SYPL1: variants seen among roughly 807,000 people sequenced by gnomAD.
The protein encoded by SYPL1 is synaptophysin like 1, also known as synaptophysin-like protein 1.
SYPL1 carries 6 observed loss-of-function variants against 23.7 expected under a neutral mutation model. The observed-to-expected ratio is 0.25, with a 90% CI of 0.14 to 0.50. SYPL1 has a LOEUF of 0.50. SYPL1 is among the 20% of genes least tolerant of loss of function. The pLI is 0.98. For missense variants in SYPL1, 253 were observed against 288.9 expected, an observed-to-expected ratio of 0.88 and a Z score of 0.90; for synonymous variants, 102 against 104.5, an observed-to-expected ratio of 0.98 and a Z score of 0.15.
chr7:106,101,503 T>C (rs771950112), intron 1 of SYPL1, among the ~76,000 whole-genome samples: 1 of 126,606 alleles, frequency 7.9e-6, no homozygotes, highest in Non-Finnish European at 1.6e-5. Context: ...TGGTTACAGA[T>C]AGGAAGAGTC....
chr7:106,112,522 GGCGCCATACTGCGT>G, upstream of SYPL1: 2 of 1,520,978 alleles, frequency 1.3e-6, no homozygotes, highest in Non-Finnish European at 1.8e-6. Context: ...GTAGATGTTG[GGCGCCATACTGCGT>G]GCGCCGCGCC....
At chr7:106,102,917 A>G (rs925008590) in intron 1 of SYPL1, among the ~76,000 whole-genome samples, 9 of 152,240 alleles carry the variant, frequency 5.9e-5, no homozygotes, top group African/African-American at 2.2e-4. Context: ...ATGAAAAGGG[A>G]GAATTTAAGA....
chr7:106,099,019 T>C lies in SYPL1; in HGVS notation c.194+139A>G, dbSNP rs570895036. On this transcript the variant is annotated intron_variant, in intron 2 of 4. Transcript: ENST00000455385. The stretch of plus-strand genomic sequence containing the variant: ...AGGCATGGGTCTGTGTACCACAGTT[T>C]GGGAGGTAATGATCACTTACAAATG... 948 of 1,029,656 alleles carry C rather than the reference T, an allele frequency of 9.2e-4. 1 individual carries two copies. The highest frequency in any genetic ancestry group is 1.2e-3 in the Non-Finnish European group (863 of 703,218). 63.8% of individuals were successfully genotyped at this position (1,029,656 alleles called of 1,614,324 possible). A position where few individuals can be genotyped will look rare whatever the true frequency, so the allele number is the denominator to read the frequency against.
intron 1 of SYPL1, among the ~76,000 whole-genome samples, chr7:106,101,163 A>G (rs1442736847): frequency 6.6e-6 from 1 of 151,844 alleles, no homozygotes; most frequent in Non-Finnish European, 1.5e-5. Flanking sequence ...CCTCTACTCT[A>G]TTTCTGCTCT....
At chr7:106,106,278 T>G (rs1205781035) in intron 1 of SYPL1, among the ~76,000 whole-genome samples, 1 of 152,170 alleles carries the variant, frequency 6.6e-6, no homozygotes, top group Non-Finnish European at 1.5e-5. Flanking sequence ...CTGGGCACAG[T>G]GGCTCATGCC....
In SYPL1 at chr7:106,110,989, A is replaced by G. The variant is rs538145501; in HGVS notation, c.69+1151T>C. Among the ~76,000 whole-genome samples, 7 of 152,322 alleles carry G rather than the reference A, an allele frequency of 4.6e-5. No homozygotes were observed. The South Asian group carries it at 1.5e-3, about 32-fold the overall frequency. ...ATACTTAAATCTGGACTTAGGTTTA[A>G]AAAAATCAAGTATATTTATTTATGC... On this transcript the variant is annotated intron_variant, in intron 1 of 4. Coordinates refer to ENST00000455385, the MANE Select transcript of SYPL1 (RefSeq NM_182715.4).
chr7:106,092,075 C>G, intron 4 of SYPL1, 136 bp from the exon 5 acceptor site: 1 of 798,964 alleles, frequency 1.3e-6, no homozygotes, highest in South Asian at 2.0e-5. Context: ...AAGTTTAATA[C>G]TACACACAAT....
At position 106,097,720 on chromosome 7, in the gene SYPL1, C is replaced by T. The variant is rs1486901844; in HGVS notation, c.372G>A (p.Leu124=). The T allele has an allele frequency of 6.2e-7, 1 of 1,613,522 alleles. No individual in the cohort carries two copies. The highest frequency in any genetic ancestry group is 8.5e-7 in the Non-Finnish European group (1 of 1,179,664). The change falls in exon 3 of 5, where the codon CTG becomes CTA. Residue 124 remains leucine (L), a synonymous_variant. Coordinates refer to ENST00000455385, the MANE Select transcript of SYPL1 (RefSeq NM_182715.4). This position sits in a 1 kb window ranked among gnomAD's most constrained non-coding sequence, Gnocchi z 4.6. ...ALLLYVGYTS[L]YLDSRKLPMI... ...TAGGAAGTTTACGACTATCCAGATA[C>T]AGACTCGTGTAGCCAACATAAAGCA...
chr7:106,107,512 G>T (rs796118294), intron 1 of SYPL1, among the ~76,000 whole-genome samples: 1 of 152,038 alleles, frequency 6.6e-6, no homozygotes, highest in African/African-American at 2.4e-5. Context: ...AGGCCAGGGC[G>T]GACGGACTAC....
At position 106,091,772 on chromosome 7, in the gene SYPL1, CAT is replaced by C; in HGVS notation, c.*31_*32del. 6.3e-7 allele frequency: 1 copy of C among 1,589,446 alleles called. No homozygotes were observed. Among genetic ancestry groups the C allele is most frequent in the Non-Finnish European group, 8.5e-7 (1 of 1,171,364 alleles). On this transcript the variant is annotated 3_prime_UTR_variant, in exon 5 of 5. Coordinates refer to ENST00000455385, the MANE Select transcript of SYPL1 (RefSeq NM_182715.4). The surrounding 1 kb of genome is among the most constrained non-coding windows in gnomAD (Gnocchi z 5.0). ...TGTTGGCAACATGTCATAGTATCAA[CAT>C]ATACTTCATACAGTGTATTTCTCCC... is the stretch of plus-strand genomic sequence containing the variant.
intron 1 of SYPL1, among the ~76,000 whole-genome samples, chr7:106,110,996 C>A (rs1005977104): frequency 6.6e-6 from 1 of 152,102 alleles, no homozygotes; most frequent in Non-Finnish European, 1.5e-5. Context: ...TTAAAAAAAT[C>A]AAGTATATTT....
At chr7:106,108,217 T>G (rs1441206116) in intron 1 of SYPL1, among the ~76,000 whole-genome samples, 2 of 152,144 alleles carry the variant, frequency 1.3e-5, no homozygotes, top group Admixed American at 6.6e-5. Context: ...TAATTTATAT[T>G]TTTAAAAATA....
Position 106,091,847 on chromosome 7 carries a change from G to T in SYPL1, c.684C>A (p.Ala228=), listed in dbSNP as rs201992120. Residue 228 remains alanine (A), a synonymous_variant, in exon 5 of 5, where the codon GCC becomes GCA. Coordinates refer to ENST00000455385, the MANE Select transcript of SYPL1 (RefSeq NM_182715.4). The surrounding 1 kb of genome is among the most constrained non-coding windows in gnomAD (Gnocchi z 5.0). The part of the protein sequence containing the change: ...TSLHSPSNTS[A]PHSQGGIPPP... ...GTGGAATACCTCCTTGGCTATGAGG[G>T]GCAGATGTATTTGATGGACTGTGTA... The T allele has an allele frequency of 1.7e-5, 28 of 1,613,396 alleles. No individual in the cohort carries two copies. Among genetic ancestry groups the T allele is most frequent in the Non-Finnish European group, 1.9e-5 (23 of 1,179,744 alleles).
At chr7:106,093,566 T>C (rs1839873532) in intron 3 of SYPL1, among the ~76,000 whole-genome samples, 3 of 127,896 alleles carry the variant, frequency 2.3e-5, no homozygotes, top group Admixed American at 1.7e-4. Flanking sequence ...TAAAACTCCT[T>C]TGACCCCACC....
chr7:106,097,007 G>C lies in SYPL1; in HGVS notation c.402+683C>G, dbSNP rs1840048168. ...AGGCAGGCAGATCACTTGAGCCCAG[G>C]AGTTTGAGACCAGCCTGGGCAACAT... On this transcript the variant is annotated intron_variant, in intron 3 of 4. Transcript: ENST00000455385. The surrounding 1 kb of genome is among the most constrained non-coding windows in gnomAD (Gnocchi z 4.6). Among the ~76,000 whole-genome samples the C allele has an allele frequency of 6.6e-6, 1 of 152,092 alleles. No homozygotes were observed. The highest frequency in any genetic ancestry group is 1.5e-5 in the Non-Finnish European group (1 of 68,030).
chr7:106,107,204 TAC>T, intron 1 of SYPL1, among the ~76,000 whole-genome samples: 1 of 152,354 alleles, frequency 6.6e-6, no homozygotes, highest in East Asian at 1.9e-4. Context: ...CGTTTGCCTT[TAC>T]AATCAAAAGA....
rs1380462760 is a variant in SYPL1 at position 106,097,260 on chromosome 7, G to A, written c.402+430C>T. ...TAAAAAATAAGACAGTGACCTCTGG[G>A]ACATAGTTTGTGAACCCATGATATA... On this transcript the variant is annotated intron_variant, in intron 3 of 4. Coordinates refer to ENST00000455385, the MANE Select transcript of SYPL1 (RefSeq NM_182715.4). The surrounding 1 kb of genome is among the most constrained non-coding windows in gnomAD (Gnocchi z 4.6). Among the ~76,000 whole-genome samples the A allele has an allele frequency of 6.6e-6, 1 of 152,056 alleles. No individual in the cohort carries two copies. Among genetic ancestry groups the A allele is most frequent in the Non-Finnish European group, 1.5e-5 (1 of 67,992 alleles).
chr7:106,097,818 C>A lies in SYPL1; in HGVS notation c.274G>T (p.Asp92Tyr). 1 of 1,614,044 alleles carries A rather than the reference C, an allele frequency of 6.2e-7. No homozygotes were observed. Among genetic ancestry groups the A allele is most frequent in the African/African-American group, 1.3e-5 (1 of 75,052 alleles). ...VNWKDYVLIGDYSSSAQFYVT... is the reference protein window; with the variant it reads ...VNWKDYVLIGYYSSSAQFYVT... ...TAGAATTGTGCAGAAGAAGAGTAATCGCCTATGAGGACGTAATCTTTCCAA... is the reference window on the plus strand; with the variant it reads ...TAGAATTGTGCAGAAGAAGAGTAATAGCCTATGAGGACGTAATCTTTCCAA... The change falls in exon 3 of 5, where the codon GAT (aspartate) becomes TAT (tyrosine). Residue 92 changes from aspartate (D) to tyrosine (Y), a missense_variant. Physicochemically the swap from Asp to Tyr is radical, Grantham distance 160. Coordinates refer to ENST00000455385, the MANE Select transcript of SYPL1 (RefSeq NM_182715.4). This position sits in a 1 kb window ranked among gnomAD's most constrained non-coding sequence, Gnocchi z 4.6.
intron 4 of SYPL1, 68 bp downstream of exon 4, chr7:106,092,881 C>G (rs1180146896): frequency 8.4e-6 from 11 of 1,304,642 alleles, no homozygotes; most frequent in Non-Finnish European, 1.1e-5. Context: ...AAAGCTATTG[C>G]TTTCCTGAAT....
Sources: gnomAD v4.1 joint callset for allele counts (sites outside exome capture counted in the v4.1 genomes callset) on GRCh38, gnomAD v4.1.1 for gene constraint, Gnocchi (gnomAD v3.1) non-coding constraint, MANE v1.5 for transcripts, NCBI Gene and HGNC (gene_info 2026-07-23, HGNC 2026-07-21) for gene names.